Variants in PDE4D observed in about 807,000 individuals in gnomAD.
PDE4D encodes phosphodiesterase 4D.
PDE4D carries 24 observed loss-of-function variants against 87.4 expected under a neutral mutation model. The ratio of observed to expected loss-of-function variants is 0.27; its 90% confidence interval spans 0.20 to 0.39. The LOEUF is 0.39. Ranked by LOEUF, PDE4D falls within the 10% of genes least tolerant of loss-of-function variation. PDE4D has a pLI of 1.00. For synonymous variants in PDE4D, 384 were observed against 383.2 expected (o/e 1.00, Z -0.02); for missense variants, 714 against 1,041.0 (o/e 0.69, Z 4.32).
At chr5:59,073,836 A>T (rs185641931) in intron 5 of PDE4D, among the ~76,000 whole-genome samples, 4 of 152,342 alleles carry the variant, frequency 2.6e-5, no homozygotes, top group Admixed American at 2.6e-4. Flanking sequence ...TATCTTTCTT[A>T]AAAAGTGACA....
At position 58,975,876 on chromosome 5, in the gene PDE4D, T is replaced by A; in HGVS notation, c.1831-37A>T. On this transcript the variant is annotated intron_variant, in intron 13 of 14. Coordinates refer to ENST00000340635, the MANE Select transcript of PDE4D (RefSeq NM_001104631.2). This position sits in a 1 kb window ranked among gnomAD's most constrained non-coding sequence, Gnocchi z 4.2. ...GGATGCATTCTCTATTCACTCCTGT[T>A]CCTTTTTTTTAAAAAAAAAAACAAA... 1 of 1,282,970 alleles carries A rather than the reference T, an allele frequency of 7.8e-7. No individual in the cohort carries two copies. The highest frequency in any genetic ancestry group is 1.0e-6 in the Non-Finnish European group (1 of 993,594). 79.5% of individuals were successfully genotyped at this position (1,282,970 alleles called of 1,614,324 possible). A position where few individuals can be genotyped will look rare whatever the true frequency, so the allele number is the denominator to read the frequency against.
intron 1 of PDE4D, among the ~76,000 whole-genome samples, chr5:59,222,747 T>G (rs1047563650): frequency 6.6e-5 from 10 of 152,228 alleles, no homozygotes; most frequent in African/African-American, 2.4e-4. Context: ...TTTGAAATCT[T>G]GGTTCAGCCA....
At chr5:60,053,888 C>T (rs935021337) in intron 2 of PDE4D, among the ~76,000 whole-genome samples, 9 of 152,302 alleles carry the variant, frequency 5.9e-5, no homozygotes, top group Non-Finnish European at 8.8e-5. Flanking sequence ...TATGAACAGA[C>T]ACTTCTCAAA....
intron 1 of PDE4D, among the ~76,000 whole-genome samples, chr5:59,754,225 G>T (rs1051260442): frequency 1.3e-5 from 2 of 152,154 alleles, no homozygotes; most frequent in Non-Finnish European, 1.5e-5. Flanking sequence ...AGCTACTCAG[G>T]AGGCTGAGGC....
chr5:59,877,479 TAAAAA>T (rs70975344), intron 1 of PDE4D, among the ~76,000 whole-genome samples: 5 of 102,386 alleles, frequency 4.9e-5, no homozygotes, highest in African/African-American at 6.5e-5. Flanking sequence ...TGCCAGAACC[TAAAAA>T]AAAAAAAAAA....
At chr5:59,203,320 T>A (rs7443891) in intron 2 of PDE4D, among the ~76,000 whole-genome samples, 23 of 151,972 alleles carry the variant, frequency 1.5e-4, no homozygotes, top group Admixed American at 9.2e-4. Flanking sequence ...AGTTTTTTTT[T>A]AATCAAAAAA....
At chr5:59,419,302 AT>A (rs1794113952) in intron 1 of PDE4D, among the ~76,000 whole-genome samples, 1 of 152,074 alleles carries the variant, frequency 6.6e-6, no homozygotes, top group African/African-American at 2.4e-5. Context: ...TTCGACTTTG[AT>A]TTTTTTGAAG....
chr5:60,319,355 T>A (rs1396665815), intron 1 of PDE4D, among the ~76,000 whole-genome samples: 1 of 152,250 alleles, frequency 6.6e-6, no homozygotes, highest in African/African-American at 2.4e-5. Flanking sequence ...TAAGGACTTC[T>A]CTGCATTGGT....
chr5:60,248,095 G>A (rs745638349), intron 1 of PDE4D, among the ~76,000 whole-genome samples: 6 of 152,052 alleles, frequency 3.9e-5, no homozygotes, highest in Non-Finnish European at 8.8e-5. Flanking sequence ...GTGCTGTGAA[G>A]AAGATAGGGT....
intron 2 of PDE4D, among the ~76,000 whole-genome samples, chr5:60,078,081 G>C (rs1326340912): frequency 6.6e-6 from 1 of 152,152 alleles, no homozygotes; most frequent in African/African-American, 2.4e-5. Flanking sequence ...CCTTCTGGCT[G>C]CATCTAGTCG....
At chr5:59,680,204 C>T (rs778006822) in intron 1 of PDE4D, among the ~76,000 whole-genome samples, 1 of 152,122 alleles carries the variant, frequency 6.6e-6, no homozygotes, top group South Asian at 2.1e-4. Context: ...ATATGAAGAG[C>T]CACAAACCCA....
chr5:59,623,969 A>G (rs1830610606), intron 1 of PDE4D, among the ~76,000 whole-genome samples: 1 of 152,000 alleles, frequency 6.6e-6, no homozygotes, highest in Non-Finnish European at 1.5e-5. Flanking sequence ...TATGCATCAT[A>G]TCAGTTAACT....
intron 1 of PDE4D, among the ~76,000 whole-genome samples, chr5:60,391,837 A>G (rs1288442708): frequency 6.6e-6 from 1 of 152,198 alleles, no homozygotes; most frequent in East Asian, 1.9e-4. Context: ...CTCTTGAGCA[A>G]CCTAAGAAGT....
At chr5:60,359,635 A>G (rs1177490365) in intron 1 of PDE4D, among the ~76,000 whole-genome samples, 1 of 152,218 alleles carries the variant, frequency 6.6e-6, no homozygotes, top group East Asian at 1.9e-4. Context: ...ACTTCTTAAA[A>G]TATTTGCTCA....
At chr5:60,172,265 TACACACAC>T (rs58938460) in intron 2 of PDE4D, among the ~76,000 whole-genome samples, 13 of 141,018 alleles carry the variant, frequency 9.2e-5, no homozygotes, top group African/African-American at 2.4e-4. Context: ...AGTACTTCAA[TACACACAC>T]ACACACACAC....
intron 2 of PDE4D, among the ~76,000 whole-genome samples, chr5:60,034,341 G>T (rs1306861782): frequency 6.6e-6 from 1 of 152,140 alleles, no homozygotes; most frequent in Non-Finnish European, 1.5e-5. Context: ...CTAAAATCAG[G>T]ATGTCAGTGG....
At chr5:60,224,683 T>C (rs948333565) in intron 1 of PDE4D, among the ~76,000 whole-genome samples, 1 of 152,078 alleles carries the variant, frequency 6.6e-6, no homozygotes, top group Admixed American at 6.6e-5. Flanking sequence ...GAAATCTAAG[T>C]GAAAGCTGCA....
At chr5:59,721,753 A>T (rs892671299) in intron 1 of PDE4D, among the ~76,000 whole-genome samples, 3 of 152,198 alleles carry the variant, frequency 2.0e-5, no homozygotes, top group Admixed American at 1.3e-4. Flanking sequence ...TGCATAAAAG[A>T]TGCTACTATA....
At chr5:59,357,026 G>C (rs1035357011) in intron 1 of PDE4D, 5 of 636,850 alleles carry the variant, frequency 7.9e-6, no homozygotes, top group Non-Finnish European at 1.2e-5. Context: ...GGCTGGAAGG[G>C]ATGGCCAGGA....
Sources: gnomAD v4.1 joint callset for allele counts (sites outside exome capture counted in the v4.1 genomes callset) on GRCh38, gnomAD v4.1.1 for gene constraint, Gnocchi (gnomAD v3.1) non-coding constraint, MANE v1.5 for transcripts, NCBI Gene and HGNC (gene_info 2026-07-23, HGNC 2026-07-21) for gene names.